The following TAF3 variants were observed in gnomAD, a reference collection of about 807,000 sequenced individuals.
The protein encoded by TAF3 is TATA-box binding protein associated factor 3.
In TAF3, 7 loss-of-function variants were observed where a neutral mutation model predicts 80.6. The ratio of observed to expected loss-of-function variants is 0.09; its 90% CI spans 0.05 to 0.16. TAF3 has a LOEUF of 0.16. Among genes scored for constraint, TAF3 ranks in the 10% least tolerant of loss-of-function variants. The pLI is 1.00. For synonymous variants in TAF3, 444 were observed against 446.1 expected, an observed-to-expected ratio of 1.00 and a Z score of 0.06; for missense variants, 921 against 1,140.2, an observed-to-expected ratio of 0.81 and a Z score of 2.77.
intron 4 of TAF3, among the ~76,000 whole-genome samples, chr10:7,980,490 T>A (rs182050770): frequency 4.6e-5 from 7 of 152,320 alleles, no homozygotes; most frequent in Admixed American, 3.9e-4. Context: ...GTCCAGGACC[T>A]CCTCCTGATA....
intron 2 of TAF3, among the ~76,000 whole-genome samples, chr10:7,954,249 C>T (rs1380015939): frequency 1.4e-5 from 2 of 139,530 alleles, no homozygotes; most frequent in East Asian, 4.8e-4. Flanking sequence ...GAGTGCACTC[C>T]ATAGGTGAAT....
chr10:7,852,647 A>G (rs1837039688), intron 2 of TAF3, among the ~76,000 whole-genome samples: 1 of 152,244 alleles, frequency 6.6e-6, no homozygotes, highest in South Asian at 2.1e-4. Flanking sequence ...TAACTCCGTC[A>G]GAGTACACAT....
intron 2 of TAF3, among the ~76,000 whole-genome samples, chr10:7,931,019 G>A (rs1473369477): frequency 6.6e-6 from 1 of 152,140 alleles, no homozygotes; most frequent in Non-Finnish European, 1.5e-5. Context: ...TGACTCTACA[G>A]TACCAGTGAA....
At chr10:7,879,570 G>T (rs1238092016) in intron 2 of TAF3, among the ~76,000 whole-genome samples, 1 of 152,132 alleles carries the variant, frequency 6.6e-6, no homozygotes, top group Admixed American at 6.5e-5. Flanking sequence ...CCCTAATATG[G>T]ACTCCTGAAA....
At chr10:7,865,079 C>T (rs1588530468) in intron 2 of TAF3, among the ~76,000 whole-genome samples, 1 of 152,042 alleles carries the variant, frequency 6.6e-6, no homozygotes, top group East Asian at 1.9e-4. Context: ...AGGAGGGAGT[C>T]CTCACCAGTG....
intron 4 of TAF3, among the ~76,000 whole-genome samples, chr10:8,001,826 A>G (rs550425098): frequency 6.6e-6 from 1 of 152,312 alleles, no homozygotes; most frequent in East Asian, 1.9e-4. Flanking sequence ...CTAATTCTCA[A>G]TTGCACATGC....
chr10:7,956,832 A>C (rs1324634825), intron 2 of TAF3, among the ~76,000 whole-genome samples: 1 of 152,200 alleles, frequency 6.6e-6, no homozygotes, highest in African/African-American at 2.4e-5. Context: ...TGTGTGAAAA[A>C]CATGAAAAAA....
At position 7,964,906 on chromosome 10, in the gene TAF3, A is replaced by G. The variant is rs1221989632; in HGVS notation, c.1396A>G (p.Met466Val). 1.9e-6 allele frequency: 3 copies of G among 1,614,130 alleles called. No homozygotes were observed. Among genetic ancestry groups the G allele is most frequent in the Admixed American group, 1.7e-5 (1 of 60,024 alleles). The change falls in exon 3 of 7, where the codon ATG becomes GTG. Residue 466 changes from methionine (M) to valine (V), a missense_variant. Coordinates refer to ENST00000344293, the MANE Select transcript of TAF3 (RefSeq NM_031923.4). The surrounding 1 kb of genome is among the most constrained non-coding windows in gnomAD (Gnocchi z 4.1). ...CTCAAGTTCCGATAACTCATGGACA[A>G]TGGATGCCTCCATTGATGAGGTTGT... ...GTSSSDNSWT[M>V]DASIDEVVRK...
chr10:7,859,363 G>T (rs762591463), intron 2 of TAF3, among the ~76,000 whole-genome samples: 125 of 152,252 alleles, frequency 8.2e-4, no homozygotes, highest in Non-Finnish European at 1.2e-3. Context: ...CCTGCCTTCA[G>T]ATCCTGCCAT....
intron 2 of TAF3, among the ~76,000 whole-genome samples, chr10:7,937,883 A>C (rs1200510024): frequency 1.3e-5 from 2 of 152,228 alleles, no homozygotes; most frequent in Non-Finnish European, 1.5e-5. Flanking sequence ...AGGTTAAATA[A>C]GGTACGCAAG....
intron 1 of TAF3, among the ~76,000 whole-genome samples, chr10:7,820,905 T>TTGAGTATA (rs1836683858): frequency 6.6e-6 from 1 of 152,236 alleles, no homozygotes; most frequent in Non-Finnish European, 1.5e-5. Context: ...TCCTCTGGCC[T>TTGAGTATA]CCGCTGCAGT....
At chr10:7,946,600 T>C (rs1838026725) in intron 2 of TAF3, among the ~76,000 whole-genome samples, 1 of 152,110 alleles carries the variant, frequency 6.6e-6, no homozygotes, top group Non-Finnish European at 1.5e-5. Context: ...GCACATGTCC[T>C]TGGTCCCAGC....
chr10:7,869,945 T>C lies in TAF3; in HGVS notation c.409+45385T>C, dbSNP rs2183940. Among the ~76,000 whole-genome samples, 563 of 152,320 alleles carry C rather than the reference T, an allele frequency of 3.7e-3. 4 individuals carry two copies. The highest frequency in any genetic ancestry group is 0.02 in the South Asian group (94 of 4,818). ...ATCACGCCTGACCCCTGGGTTTTGGTTGGCCCAGAGATTACTGAACTACTT... is the reference window on the plus strand; with the variant it reads ...ATCACGCCTGACCCCTGGGTTTTGGCTGGCCCAGAGATTACTGAACTACTT... On this transcript the variant is annotated intron_variant, in intron 2 of 6. Coordinates refer to ENST00000344293, the MANE Select transcript of TAF3 (RefSeq NM_031923.4).
chr10:7,824,980 C>T (rs990225968), intron 2 of TAF3, among the ~76,000 whole-genome samples: 2 of 152,160 alleles, frequency 1.3e-5, no homozygotes, highest in Non-Finnish European at 2.9e-5. Flanking sequence ...GTGAGTGAAT[C>T]GTGAGTATTC....
intron 2 of TAF3, among the ~76,000 whole-genome samples, chr10:7,830,598 C>T (rs1836789558): frequency 6.7e-6 from 1 of 150,226 alleles, no homozygotes; most frequent in Non-Finnish European, 1.5e-5. Context: ...ATTCTCCTGC[C>T]TCAGCCTCCC....
chr10:7,940,802 A>T lies in TAF3; in HGVS notation c.410-23118A>T, dbSNP rs933211438. On this transcript the variant is annotated intron_variant, in intron 2 of 6. Transcript: ENST00000344293. The stretch of plus-strand genomic sequence containing the variant: ...AGACCCTGTCTCTGCAAAAAATTAA[A>T]AACAGAAAAATTAGCTGGGTATGAT... 4.6e-5 allele frequency among the ~76,000 whole-genome samples: 7 copies of T among 152,120 alleles called. No homozygotes were observed. The East Asian group carries it at 1.4e-3, about 29-fold the overall frequency.
At chr10:7,939,144 G>T (rs970489271) in intron 2 of TAF3, among the ~76,000 whole-genome samples, 5 of 152,164 alleles carry the variant, frequency 3.3e-5, no homozygotes, top group African/African-American at 1.2e-4. Context: ...AAGTCTGTTT[G>T]TGCATGTTTG....
chr10:7,819,026 A>C, intron 1 of TAF3, 151 bp downstream of exon 1: 1 of 775,996 alleles, frequency 1.3e-6, no homozygotes, highest in Non-Finnish European at 1.8e-6. Flanking sequence ...CTGGGCTTCC[A>C]CTGCCGCTCC....
intron 2 of TAF3, among the ~76,000 whole-genome samples, chr10:7,877,907 C>G (rs1289018034): frequency 2.0e-5 from 3 of 152,156 alleles, no homozygotes; most frequent in African/African-American, 7.2e-5. Flanking sequence ...AATTTCTATA[C>G]TGTAACGGCA....
Sources: gnomAD v4.1 joint callset for allele counts (sites outside exome capture counted in the v4.1 genomes callset) on GRCh38, gnomAD v4.1.1 for gene constraint, Gnocchi (gnomAD v3.1) non-coding constraint, MANE v1.5 for transcripts, NCBI Gene and HGNC (gene_info 2026-07-23, HGNC 2026-07-21) for gene names.